The following ABCG1 variants were observed in gnomAD, a reference collection of about 807,000 sequenced individuals.
The protein encoded by ABCG1 is ATP-binding cassette sub-family G member 1.
In ABCG1, 29 loss-of-function variants were observed where a neutral mutation model predicts 69.2. That is an observed-to-expected ratio of 0.42 (90% CI 0.31 to 0.57). The LOEUF (loss-of-function observed/expected upper bound fraction) is 0.57. Ranked by LOEUF, ABCG1 falls within the 20% of genes least tolerant of loss-of-function variation. The pLI, the probability that ABCG1 is intolerant of heterozygous loss-of-function variation, is 0.15. For synonymous variants in ABCG1, 370 were observed against 374.8 expected, an observed-to-expected ratio of 0.99 and a Z score of 0.15; for missense variants, 718 against 898.1, an observed-to-expected ratio of 0.80 and a Z score of 2.56.
Position 42,219,252 on chromosome 21 carries a change from G to A in ABCG1, c.-11G>A. On this transcript the variant is annotated 5_prime_UTR_variant, in exon 1 of 15. Coordinates refer to ENST00000398449, the MANE Select transcript of ABCG1 (RefSeq NM_016818.3). This position sits in a 1 kb window ranked among gnomAD's most constrained non-coding sequence, Gnocchi z 5.3. ...CGCCGCCGCCGCCGCCGCCGCCGCC[G>A]CCCCCGGGGCATGGCCTGTCTGATG... 1.3e-6 allele frequency: 2 copies of A among 1,541,510 alleles called. No individual in the cohort carries two copies. Among genetic ancestry groups the A allele is most frequent in the South Asian group, 1.2e-5 (1 of 84,690 alleles).
At chr21:42,268,381 G>GTGTGTGTGTGTT (rs1555957911) in intron 2 of ABCG1, among the ~76,000 whole-genome samples, 1 of 138,636 alleles carries the variant, frequency 7.2e-6, no homozygotes, top group African/African-American at 3.1e-5. Flanking sequence ...GTGTGTGTGT[G>GTGTGTGTGTGTT]TGTGTGTGCG....
chr21:42,277,872 C>T (rs538867410), intron 5 of ABCG1, among the ~76,000 whole-genome samples: 5 of 152,272 alleles, frequency 3.3e-5, no homozygotes, highest in East Asian at 3.8e-4. Context: ...TCCCCCTCTC[C>T]GGTCATCTGT....
chr21:42,216,770 C>T (rs183433548), upstream of ABCG1, among the ~76,000 whole-genome samples: 5 of 152,306 alleles, frequency 3.3e-5, no homozygotes, highest in African/African-American at 4.8e-5. Context: ...CAACCAAGAG[C>T]CTTGATAGGA....
chr21:42,215,052 T>C (rs4148092), upstream of ABCG1, among the ~76,000 whole-genome samples: 21,052 of 152,242 alleles, frequency 0.14, 1,722 homozygotes, highest in East Asian at 0.24. Flanking sequence ...TGTGTGCACA[T>C]TGGCAGGCTG....
chr21:42,202,570 C>A (rs898786138), intron 2 of ABCG1, among the ~76,000 whole-genome samples: 4 of 151,638 alleles, frequency 2.6e-5, no homozygotes, highest in African/African-American at 4.9e-5. Context: ...AACTTAGTCA[C>A]CCCCATCTTA....
At chr21:42,266,660 G>T (rs571908396) in intron 2 of ABCG1, among the ~76,000 whole-genome samples, 105 of 152,194 alleles carry the variant, frequency 6.9e-4, no homozygotes, top group African/African-American at 2.4e-3. Flanking sequence ...CCACAGCCCC[G>T]GGCACTGCTA....
Position 42,271,160 on chromosome 21 carries a change from C to A in ABCG1, c.377C>A (p.Thr126Lys). The change falls in exon 3 of 15, where the codon ACG becomes AAG. Residue 126 changes from threonine to lysine, a missense_variant. Transcript: ENST00000398449. ...IMGPSGAGKS[T>K]LMNILAGYRE... Reference sequence around the variant, plus strand: ...GGTCCTTCCGGGGCCGGGAAGTCCACGCTGATGAACATCCTGGCTGGATAC... The same window carrying A: ...GGTCCTTCCGGGGCCGGGAAGTCCAAGCTGATGAACATCCTGGCTGGATAC... The A allele has an allele frequency of 6.3e-7, 1 of 1,574,840 alleles. No homozygotes were observed. The highest frequency in any genetic ancestry group is 8.6e-7 in the Non-Finnish European group (1 of 1,163,772).
intron 2 of ABCG1, among the ~76,000 whole-genome samples, chr21:42,244,231 G>A (rs1420012281): frequency 6.6e-6 from 1 of 152,234 alleles, no homozygotes; most frequent in East Asian, 1.9e-4. Flanking sequence ...GGGGTGGAGA[G>A]GGCATCCTAG....
At chr21:42,210,956 CTTCT>C (rs1407890637) in intron 2 of ABCG1, among the ~76,000 whole-genome samples, 1 of 147,408 alleles carries the variant, frequency 6.8e-6, no homozygotes, top group Admixed American at 6.7e-5. Context: ...TCATTTCTTT[CTTCT>C]TTTTTTTTTT....
At chr21:42,234,490 C>T (rs997786238) in intron 2 of ABCG1, among the ~76,000 whole-genome samples, 2 of 152,184 alleles carry the variant, frequency 1.3e-5, no homozygotes, top group African/African-American at 4.8e-5. Context: ...TGGAGCTCCC[C>T]GCACCTGGCT....
chr21:42,258,489 C>A (rs550633286), intron 2 of ABCG1, among the ~76,000 whole-genome samples: 1 of 152,030 alleles, frequency 6.6e-6, no homozygotes, highest in African/African-American at 2.4e-5. Flanking sequence ...TCTCTCCATC[C>A]AGAGTTCACC....
rs765426106 is a variant in ABCG1, at chr21:42,288,186, G to C, written c.1123-25G>C. ...CGTGGCTCCGGACTGGCTTTCACCC[G>C]CTCCCCTCTTGCGTGTGTCCTCAGG... On this transcript the variant is annotated intron_variant, in intron 9 of 14. Transcript: ENST00000398449. The surrounding 1 kb of genome is among the most constrained non-coding windows in gnomAD (Gnocchi z 4.8). 1.4e-5 allele frequency: 22 copies of C among 1,612,294 alleles called. No individual in the cohort carries two copies. The highest frequency in any genetic ancestry group is 1.9e-5 in the Non-Finnish European group (22 of 1,178,330).
chr21:42,251,717 T>A (rs942118350), intron 2 of ABCG1, among the ~76,000 whole-genome samples: 2 of 152,100 alleles, frequency 1.3e-5, no homozygotes, highest in Non-Finnish European at 1.5e-5. Context: ...CTAGGCACAG[T>A]CGGTCCTAGA....
rs963515138 is a variant in ABCG1 at position 42,290,138 on chromosome 21, A to G, written c.1313A>G (p.Lys438Arg). ...TTGGGGATCGGGAACGAAGCCAAGA[A>G]GGTCTTGAGCAACTCCGGCTTCCTC... is the stretch of plus-strand genomic sequence containing the variant. Reference protein sequence around the residue: ...LYLGIGNEAKKVLSNSGFLFF... With the variant: ...LYLGIGNEAKRVLSNSGFLFF... The change falls in exon 11 of 15, where the codon AAG becomes AGG. Residue 438 changes from lysine (K) to arginine (R), a missense_variant. Lys to Arg is a conservative substitution (Grantham distance 26, BLOSUM62 2). Around this residue, in one of 2 missense-constraint regions of ABCG1, gnomAD observed 204 missense variants for 323.8 expected, o/e 0.63. Transcript: ENST00000398449. The G allele has an allele frequency of 3.1e-6, 5 of 1,614,182 alleles. No individual in the cohort carries two copies. Among genetic ancestry groups the G allele is most frequent in the Non-Finnish European group, 4.2e-6 (5 of 1,180,032 alleles).
intron 2 of ABCG1, among the ~76,000 whole-genome samples, chr21:42,226,443 TA>T (rs1281500011): frequency 6.6e-6 from 1 of 152,070 alleles, no homozygotes; most frequent in East Asian, 1.9e-4. Flanking sequence ...AGCTGATACA[TA>T]AAAATAGAAA....
intron 2 of ABCG1, among the ~76,000 whole-genome samples, chr21:42,227,448 G>A (rs377574505): frequency 3.3e-5 from 5 of 152,232 alleles, no homozygotes; most frequent in Non-Finnish European, 7.3e-5. Context: ...AACATAGAGC[G>A]ATTCCTGTCC....
intron 1 of ABCG1, among the ~76,000 whole-genome samples, chr21:42,223,810 G>C (rs757250898): frequency 6.6e-6 from 1 of 152,240 alleles, no homozygotes; most frequent in African/African-American, 2.4e-5. Flanking sequence ...TGATAATGTA[G>C]ATGGGTGGTG....
rs187791670 is a variant in ABCG1 at position 42,240,936 on chromosome 21, C to T, written c.286+15022C>T. Among the ~76,000 whole-genome samples the T allele has an allele frequency of 2.5e-4, 38 of 152,370 alleles. No homozygotes were observed. In the East Asian group the frequency reaches 7.3e-3, roughly 29 times the overall value. Reference sequence around the variant, plus strand: ...CGCTTGCTCACACCCACCAGATGTGCGTTCCCGCACCACCCAGGGGACCGA... The same window carrying T: ...CGCTTGCTCACACCCACCAGATGTGTGTTCCCGCACCACCCAGGGGACCGA... On this transcript the variant is annotated intron_variant, in intron 2 of 14. Transcript: ENST00000398449.
intron 2 of ABCG1, among the ~76,000 whole-genome samples, chr21:42,262,127 T>C (rs543182298): frequency 6.6e-6 from 1 of 152,248 alleles, no homozygotes; most frequent in Non-Finnish European, 1.5e-5. Context: ...ATCCCTTGGT[T>C]GCTGGGCAGG....
Sources: allele counts gnomAD v4.1 joint callset (sites outside exome capture counted in the v4.1 genomes callset), GRCh38; gene constraint gnomAD v4.1.1; regional missense constraint gnomAD v4.1.1; non-coding constraint Gnocchi (gnomAD v3.1); transcripts MANE v1.5; gene names NCBI Gene and HGNC (gene_info 2026-07-23, HGNC 2026-07-21).